CDK1: variants seen among roughly 807,000 people sequenced by gnomAD.
CDK1 encodes the protein cyclin dependent kinase 1, also known as cyclin-dependent kinase 1.
A neutral mutation model predicts 34.6 loss-of-function variants in CDK1; 5 were observed. The ratio of observed to expected loss-of-function variants is 0.14; its 90% CI spans 0.08 to 0.30. The LOEUF (loss-of-function observed/expected upper bound fraction) is 0.30, where lower values mean the gene tolerates loss of function less well. CDK1 is among the 10% of genes least tolerant of loss of function. CDK1 has a pLI of 1.00. For missense variants in CDK1, 157 were observed against 345.7 expected (o/e 0.45, Z 4.33); for synonymous variants, 108 against 114.7 (o/e 0.94, Z 0.37).
intron 5 of CDK1, among the ~76,000 whole-genome samples, chr10:60,790,084 G>C (rs3213066): frequency 0.1 from 15,959 of 151,992 alleles, 919 homozygotes; most frequent in South Asian, 0.14. Flanking sequence ...TTTTAAAATT[G>C]GATTCTTACT....
At chr10:60,785,967 A>G (rs1390678567) in intron 4 of CDK1, 180 bp downstream of exon 4, 2 of 1,200,790 alleles carry the variant, frequency 1.7e-6, no homozygotes, top group Non-Finnish European at 2.1e-6. Context: ...TTATTACCAG[A>G]TAGTGTTTCT....
At chr10:60,784,955 G>A (rs557601624) in intron 3 of CDK1, 94 bp downstream of exon 3, 775 of 1,215,210 alleles carry the variant, frequency 6.4e-4, no homozygotes, top group Non-Finnish European at 8.0e-4. Context: ...CAATTTCTTG[G>A]TCTAGCCTTA....
chr10:60,782,452 GT>G (rs2080280955), intron 2 of CDK1, among the ~76,000 whole-genome samples: 1 of 152,034 alleles, frequency 6.6e-6, no homozygotes, highest in South Asian at 2.1e-4. Flanking sequence ...TCTGAGTGTT[GT>G]GATACTAATC....
chr10:60,786,050 T>G (rs2080312963), intron 4 of CDK1: 26 of 1,073,852 alleles, frequency 2.4e-5, no homozygotes, highest in Non-Finnish European at 2.9e-5. Context: ...AGTCTGGTCT[T>G]TCTTTGGCTG....
intron 1 of CDK1, among the ~76,000 whole-genome samples, chr10:60,779,694 T>C (rs984361446): frequency 6.6e-6 from 1 of 152,226 alleles, no homozygotes; most frequent in Non-Finnish European, 1.5e-5. Flanking sequence ...ACATTTTAGT[T>C]CTGTCCTCAT....
intron 2 of CDK1, among the ~76,000 whole-genome samples, chr10:60,781,870 G>T (rs2080276345): frequency 6.6e-6 from 1 of 152,184 alleles, no homozygotes; most frequent in African/African-American, 2.4e-5. Context: ...CCTATCAGTA[G>T]TGCCCAACCC....
chr10:60,785,783 T>C lies in CDK1; in HGVS notation c.314T>C (p.Val105Ala), dbSNP rs1465016560. 1 of 1,589,984 alleles carries C rather than the reference T, an allele frequency of 6.3e-7. No individual in the cohort carries two copies. The highest frequency in any genetic ancestry group is 1.7e-5 in the Admixed American group (1 of 59,014). Reference protein sequence around the residue: ...PPGQYMDSSLVKSYLYQILQG... With the variant: ...PPGQYMDSSLAKSYLYQILQG... ...GGTCAGTACATGGATTCTTCACTTGTTAAGGTAAAAGCTTAACTAATTTTA... is the reference window on the plus strand; with the variant it reads ...GGTCAGTACATGGATTCTTCACTTGCTAAGGTAAAAGCTTAACTAATTTTA... Residue 105 changes from valine (V) to alanine (A), a missense_variant, in exon 4 of 8, where the codon GTT (valine) becomes GCT (alanine). By Grantham distance (64) the Val-to-Ala change is moderately conservative. Around this residue, in one of 3 missense-constraint regions of CDK1, gnomAD observed 102 missense variants for 233.6 expected, o/e 0.44. Transcript: ENST00000395284.
intron 5 of CDK1, among the ~76,000 whole-genome samples, chr10:60,788,465 C>T (rs1179100677): frequency 6.6e-6 from 1 of 152,062 alleles, no homozygotes; most frequent in Non-Finnish European, 1.5e-5. Flanking sequence ...ACTAGAGGGA[C>T]ATGGCAGGAG....
chr10:60,786,336 T>C (rs1370718232), intron 4 of CDK1: 12 of 915,964 alleles, frequency 1.3e-5, no homozygotes, highest in Non-Finnish European at 1.6e-5. Flanking sequence ...ATAAAGATTT[T>C]TTTTTTTACA....
Position 60,780,300 on chromosome 10 carries a change from T to G in CDK1, c.37+98T>G, listed in dbSNP as rs961851671. 5.4e-6 allele frequency: 4 copies of G among 743,980 alleles called. No homozygotes were observed. In the African/African-American group the frequency reaches 7.1e-5, roughly 13 times the overall value. 46.1% of individuals were successfully genotyped at this position (743,980 alleles called of 1,614,324 possible). A position where few individuals can be genotyped will look rare whatever the true frequency, so the allele number is the denominator to read the frequency against. ...TTAAATATTTATTAAAATTCAACCA[T>G]TAAGTTGTCTTGTAGTACCAGTGTG... On this transcript the variant is annotated intron_variant, in intron 2 of 7. Transcript: ENST00000395284.
intron 2 of CDK1, among the ~76,000 whole-genome samples, chr10:60,782,089 C>T (rs2080278044): frequency 6.6e-6 from 1 of 152,108 alleles, no homozygotes; most frequent in Non-Finnish European, 1.5e-5. Context: ...TTTGGTTCTG[C>T]CAGGTATCTG....
chr10:60,792,746 A>G (rs544194425), intron 7 of CDK1, among the ~76,000 whole-genome samples: 10 of 152,130 alleles, frequency 6.6e-5, no homozygotes, highest in Admixed American at 1.3e-4. Context: ...ACCATTGTAT[A>G]CATTTTCTCA....
At chr10:60,781,710 G>C (rs556063994) in intron 2 of CDK1, among the ~76,000 whole-genome samples, 99 of 152,198 alleles carry the variant, frequency 6.5e-4, no homozygotes, top group African/African-American at 2.3e-3. Context: ...TTTGGCAATG[G>C]CTGTTCTTTC....
chr10:60,792,205 T>C lies in CDK1; in HGVS notation c.711T>C (p.Tyr237=). 6.2e-7 allele frequency: 1 copy of C among 1,612,880 alleles called. No homozygotes were observed. The highest frequency in any genetic ancestry group is 8.5e-7 in the Non-Finnish European group (1 of 1,179,244). The change falls in exon 7 of 8, where the codon TAT becomes TAC. Residue 237 remains tyrosine, a synonymous_variant. Coordinates refer to ENST00000395284, the MANE Select transcript of CDK1 (RefSeq NM_001786.5). The stretch of plus-strand genomic sequence containing the variant: ...CAGAAGTGGAATCTTTACAGGACTA[T>C]AAGAATACATTTCCCAAATGGAAAC... ...VWPEVESLQD[Y]KNTFPKWKPG... is the part of the protein sequence containing the mutation.
chr10:60,785,451 T>A (rs1254210769), intron 3 of CDK1, among the ~76,000 whole-genome samples: 2 of 152,198 alleles, frequency 1.3e-5, no homozygotes, highest in South Asian at 4.1e-4. Context: ...AGGCTCCTTA[T>A]AAATAAGCAC....
Position 60,794,024 on chromosome 10 carries a change from T to C in CDK1, c.*49T>C. The stretch of plus-strand genomic sequence containing the variant: ...TGTTATATCAACAGATAGTTGTGTT[T>C]TTATTGTTAACTCTTGTCTATTTTT... On this transcript the variant is annotated 3_prime_UTR_variant, in exon 8 of 8. Transcript: ENST00000395284. The C allele has an allele frequency of 3.4e-6, 3 of 893,400 alleles. No individual in the cohort carries two copies. The highest frequency in any genetic ancestry group is 5.2e-6 in the Non-Finnish European group (3 of 574,566). 55.3% of individuals were successfully genotyped at this position (893,400 alleles called of 1,614,324 possible). A position where few individuals can be genotyped will look rare whatever the true frequency, so the allele number is the denominator to read the frequency against.
chr10:60,787,133 T>C, intron 4 of CDK1: 1 of 920,154 alleles, frequency 1.1e-6, no homozygotes, highest in Non-Finnish European at 1.3e-6. Context: ...ACTTACAATT[T>C]TTCAGTTTTA....
In CDK1 at chr10:60,791,840, G is replaced by C. The variant is rs1190416713; in HGVS notation, c.490-50G>C. On this transcript the variant is annotated intron_variant, in intron 5 of 7. Transcript: ENST00000395284. ...TAAAAATATAAATGTTTAAGTGTAGGTAATTTTATGCACCACATTTATTCA... is the reference window on the plus strand; with the variant it reads ...TAAAAATATAAATGTTTAAGTGTAGCTAATTTTATGCACCACATTTATTCA... 7.9e-6 allele frequency: 8 copies of C among 1,006,326 alleles called. No individual in the cohort carries two copies. The East Asian group carries it at 1.2e-4, about 16-fold the overall frequency. The allele number at this position is 1,006,326 out of a possible 1,614,324, so 62.3% of individuals were successfully genotyped here.
intron 2 of CDK1, among the ~76,000 whole-genome samples, chr10:60,780,765 A>AT (rs2080266232): frequency 6.6e-6 from 1 of 152,114 alleles, no homozygotes; most frequent in African/African-American, 2.4e-5. Flanking sequence ...ACTTGAAGGA[A>AT]TGTTTAGATC....
Sources: gnomAD v4.1 joint callset for allele counts (sites outside exome capture counted in the v4.1 genomes callset) on GRCh38, gnomAD v4.1.1 for gene constraint, gnomAD v4.1.1 regional missense constraint, MANE v1.5 for transcripts, NCBI Gene and HGNC (gene_info 2026-07-23, HGNC 2026-07-21) for gene names.